The following SCRG1 variants were observed in gnomAD, a reference collection of about 807,000 sequenced individuals.
SCRG1 encodes scrapie-responsive protein 1.
A neutral mutation model predicts 7.7 loss-of-function variants in SCRG1; 3 were observed. That is an observed-to-expected ratio of 0.39 (90% CI 0.18 to 1.01). The LOEUF (loss-of-function observed/expected upper bound fraction) is 1.01. Among genes scored for constraint, SCRG1 ranks in the 50% least tolerant of loss-of-function variants. The pLI is 0.36. For missense variants in SCRG1, 110 were observed against 117.2 expected, an observed-to-expected ratio of 0.94 and a Z score of 0.28; for synonymous variants, 46 against 41.2, an observed-to-expected ratio of 1.12 and a Z score of -0.44.
intron 2 of SCRG1, 111 bp from the exon 3 acceptor site, chr4:173,388,506 T>A: frequency 1.5e-6 from 1 of 687,750 alleles, no homozygotes; most frequent in Non-Finnish European, 2.4e-6. Flanking sequence ...ATGATTATTC[T>A]TTTTAGGTGA....
the SCRG1 span, among the ~76,000 whole-genome samples, chr4:173,457,236 T>C: frequency 3.3e-5 from 5 of 152,154 alleles, no homozygotes; most frequent in South Asian, 1.0e-3. Context: ...GCACAACCAC[T>C]GAGGAATGAA....
At chr4:173,428,491 C>T in the SCRG1 span, among the ~76,000 whole-genome samples, 63 of 152,234 alleles carry the variant, frequency 4.1e-4, 1 homozygote, top group South Asian at 0.013. Flanking sequence ...TGAAGAGAGA[C>T]ATATTATTTG....
the SCRG1 span, among the ~76,000 whole-genome samples, chr4:173,427,044 A>G: frequency 6.6e-6 from 1 of 152,214 alleles, no homozygotes; most frequent in Non-Finnish European, 1.5e-5. Context: ...TTTAATCTTC[A>G]TGAGCATATA....
chr4:173,455,141 T>C, the SCRG1 span, among the ~76,000 whole-genome samples: 1 of 152,016 alleles, frequency 6.6e-6, no homozygotes, highest in Non-Finnish European at 1.5e-5. Context: ...TCAGCGATTC[T>C]ACGGTGAGGC....
chr4:173,405,730 G>C (rs1189119447), intron 1 of SCRG1, among the ~76,000 whole-genome samples: 1 of 152,106 alleles, frequency 6.6e-6, no homozygotes, highest in African/African-American at 2.4e-5. Context: ...TGCCTCTTGT[G>C]TCTCTATGGC....
the SCRG1 span, among the ~76,000 whole-genome samples, chr4:173,444,014 C>T: frequency 6.6e-6 from 1 of 150,436 alleles, no homozygotes; most frequent in Non-Finnish European, 1.5e-5. Context: ...ACTCTCGTCA[C>T]CCAGGCTGGA....
chr4:173,488,701 G>C, the SCRG1 span, among the ~76,000 whole-genome samples: 1 of 152,098 alleles, frequency 6.6e-6, no homozygotes, highest in Non-Finnish European at 1.5e-5. Flanking sequence ...CAATAATTCA[G>C]TTTTGCAAAT....
the SCRG1 span, among the ~76,000 whole-genome samples, chr4:173,446,117 G>GAATT: frequency 6.6e-6 from 1 of 152,086 alleles, no homozygotes; most frequent in Non-Finnish European, 1.5e-5. Context: ...AAATGATACA[G>GAATT]AATTATAAGA....
chr4:173,493,150 A>C, the SCRG1 span, among the ~76,000 whole-genome samples: 1 of 152,056 alleles, frequency 6.6e-6, no homozygotes, highest in African/African-American at 2.4e-5. Flanking sequence ...TCTATCTCAA[A>C]TTGTAATCCC....
At chr4:173,491,267 G>A in the SCRG1 span, among the ~76,000 whole-genome samples, 1 of 131,290 alleles carries the variant, frequency 7.6e-6, no homozygotes, top group Non-Finnish European at 1.6e-5. Flanking sequence ...CTGGTTTCCT[G>A]TGCCCCACTG....
At chr4:173,449,160 C>A in the SCRG1 span, among the ~76,000 whole-genome samples, 2,374 of 152,292 alleles carry the variant, frequency 0.016, 23 homozygotes, top group Non-Finnish European at 0.023. Flanking sequence ...CACTATAACA[C>A]ATCTCAGGGA....
the SCRG1 span, among the ~76,000 whole-genome samples, chr4:173,453,687 G>A: frequency 1.4e-4 from 21 of 152,298 alleles, no homozygotes; most frequent in South Asian, 2.9e-3. Flanking sequence ...GCGGTCTGTC[G>A]TTGACTAAAA....
chr4:173,419,075 C>A, the SCRG1 span, among the ~76,000 whole-genome samples: 1 of 152,118 alleles, frequency 6.6e-6, no homozygotes, highest in Non-Finnish European at 1.5e-5. Flanking sequence ...GTGGCTGAGG[C>A]TCTCACCTCC....
At chr4:173,403,193 G>A (rs1739805865), upstream of SCRG1, 1 of 152,170 alleles carries the variant, frequency 6.6e-6, no homozygotes. Context: ...CGTCAGTAAG[G>A]CCCTTGAAGA....
At chr4:173,516,417 T>C in the SCRG1 span, among the ~76,000 whole-genome samples, 1 of 152,222 alleles carries the variant, frequency 6.6e-6, no homozygotes, top group Admixed American at 6.5e-5. Flanking sequence ...GGAGCAATGA[T>C]TATTTTCCTC....
At chr4:173,406,320 T>C (rs963259470) in exon 1 of SCRG1, 1 of 152,250 alleles carries the variant, frequency 6.6e-6, no homozygotes, top group Non-Finnish European at 1.5e-5. Context: ...CTTTTACCTT[T>C]AGTTTGACAG....
At chr4:173,506,317 G>A in the SCRG1 span, among the ~76,000 whole-genome samples, 1 of 152,232 alleles carries the variant, frequency 6.6e-6, no homozygotes, top group African/African-American at 2.4e-5. The surrounding 1 kb of genome is among the most constrained non-coding windows in gnomAD (Gnocchi z 5.3). Context: ...TCACCCTCTA[G>A]GAGTGTATGC....
the SCRG1 span, among the ~76,000 whole-genome samples, chr4:173,432,109 T>C: frequency 6.6e-6 from 1 of 152,206 alleles, no homozygotes; most frequent in Admixed American, 6.5e-5. Flanking sequence ...CATTGTGATG[T>C]TGTCAAATGA....
the SCRG1 span, among the ~76,000 whole-genome samples, chr4:173,465,891 G>C: frequency 2.0e-3 from 305 of 152,008 alleles, no homozygotes; most frequent in African/African-American, 7.0e-3. Context: ...GTCTTTCTGT[G>C]CTTCGACCTT....
Sources: gnomAD v4.1 joint callset for allele counts (sites outside exome capture counted in the v4.1 genomes callset) on GRCh38, gnomAD v4.1.1 for gene constraint, Gnocchi (gnomAD v3.1) non-coding constraint, MANE v1.5 for transcripts, NCBI Gene and HGNC (gene_info 2026-07-23, HGNC 2026-07-21) for gene names.